The following OSBPL9 variants were observed in gnomAD, a reference collection of about 807,000 sequenced individuals.
The protein encoded by OSBPL9 is oxysterol binding protein like 9.
OSBPL9 carries 40 observed loss-of-function variants against 106.6 expected under a neutral mutation model. The observed-to-expected ratio is 0.38, with a 90% CI of 0.29 to 0.49. OSBPL9 has a LOEUF of 0.49. Ranked by LOEUF, OSBPL9 falls within the 20% of genes least tolerant of loss-of-function variation. The pLI is 0.97. For missense variants in OSBPL9, 609 were observed against 887.2 expected, an observed-to-expected ratio of 0.69 and a Z score of 3.98; for synonymous variants, 269 against 295.4, an observed-to-expected ratio of 0.91 and a Z score of 0.92.
intron 2 of OSBPL9, among the ~76,000 whole-genome samples, chr1:51,603,165 C>G (rs1013636002): frequency 1.3e-5 from 2 of 151,380 alleles, no homozygotes; most frequent in Non-Finnish European, 3.0e-5. Flanking sequence ...AAAACAAAAA[C>G]AAAAAAAACA....
At chr1:51,716,230 G>T (rs974682758) in intron 4 of OSBPL9, among the ~76,000 whole-genome samples, 3 of 152,154 alleles carry the variant, frequency 2.0e-5, no homozygotes, top group Non-Finnish European at 4.4e-5. Flanking sequence ...TAGAAATATG[G>T]AATTAATGTT....
intron 2 of OSBPL9, among the ~76,000 whole-genome samples, chr1:51,669,218 G>T (rs1649262583): frequency 6.6e-6 from 1 of 152,164 alleles, no homozygotes; most frequent in African/African-American, 2.4e-5. Flanking sequence ...CTTAAGGAAG[G>T]CATAGAATGT....
chr1:51,677,299 TAAC>T (rs1651483637), intron 3 of OSBPL9, among the ~76,000 whole-genome samples: 2 of 152,208 alleles, frequency 1.3e-5, no homozygotes, highest in Admixed American at 1.3e-4. Context: ...TTTACTCTCA[TAAC>T]AACCACTTAC....
Position 51,609,345 on chromosome 1 carries a change from T to C in OSBPL9, c.-352-4960T>C, listed in dbSNP as rs1331349637. ...GCCTTCAGCTACCTTCTCTCTCCTT[T>C]TTTTTTTTTTTTTTTAGAGATAGGG... On this transcript the variant is annotated intron_variant, in intron 2 of 25. Transcript: ENST00000371714. Among the ~76,000 whole-genome samples the C allele has an allele frequency of 5.4e-5, 8 of 149,012 alleles. 1 individual carries two copies. The highest frequency in any genetic ancestry group is 7.5e-5 in the Non-Finnish European group (5 of 66,940).
intron 3 of OSBPL9, among the ~76,000 whole-genome samples, chr1:51,692,823 C>T (rs759065341): frequency 4.6e-5 from 7 of 151,956 alleles, no homozygotes; most frequent in South Asian, 2.1e-4. Flanking sequence ...CACTGCACCC[C>T]GCCTGCAGTC....
At chr1:51,527,213 G>A in the OSBPL9 span, among the ~76,000 whole-genome samples, 1 of 152,050 alleles carries the variant, frequency 6.6e-6, no homozygotes, top group Non-Finnish European at 1.5e-5. Flanking sequence ...GTTTCATGCA[G>A]ACTACCATAC....
the OSBPL9 span, among the ~76,000 whole-genome samples, chr1:51,560,233 T>C: frequency 6.6e-6 from 1 of 152,220 alleles, no homozygotes; most frequent in Non-Finnish European, 1.5e-5. Flanking sequence ...GACAGGTGGC[T>C]GTGGCTTCCA....
chr1:51,712,731 A>T (rs904021726), intron 3 of OSBPL9, among the ~76,000 whole-genome samples: 1 of 152,148 alleles, frequency 6.6e-6, no homozygotes, highest in African/African-American at 2.4e-5. Context: ...TTTGGTTCTC[A>T]TTTATGTGTG....
At chr1:51,627,675 A>G (rs1229550116) in intron 1 of OSBPL9, among the ~76,000 whole-genome samples, 2 of 151,604 alleles carry the variant, frequency 1.3e-5, no homozygotes, top group Admixed American at 6.6e-5. Flanking sequence ...TCATTAATGT[A>G]TTAACATGTT....
At chr1:51,759,271 T>C (rs1038683320) in intron 9 of OSBPL9, among the ~76,000 whole-genome samples, 20 of 152,132 alleles carry the variant, frequency 1.3e-4, no homozygotes, top group African/African-American at 4.8e-4. Flanking sequence ...TTAATGAGTT[T>C]TAGATATTCA....
the OSBPL9 span, among the ~76,000 whole-genome samples, chr1:51,533,106 A>T: frequency 6.6e-6 from 1 of 152,202 alleles, no homozygotes; most frequent in South Asian, 2.1e-4. Context: ...TAAAAAAATC[A>T]TAGTATTAAG....
At chr1:51,687,174 A>G (rs186464604) in intron 3 of OSBPL9, among the ~76,000 whole-genome samples, 5 of 152,266 alleles carry the variant, frequency 3.3e-5, no homozygotes, top group African/African-American at 1.2e-4. Flanking sequence ...TGATAACCCA[A>G]AATTGAAAAT....
chr1:51,740,911 T>C (rs1666761661), intron 4 of OSBPL9, among the ~76,000 whole-genome samples: 1 of 152,194 alleles, frequency 6.6e-6, no homozygotes, highest in African/African-American at 2.4e-5. Flanking sequence ...AGGAATTGAC[T>C]CTTGTGTTGT....
chr1:51,773,303 C>T (rs1239330017), intron 14 of OSBPL9, among the ~76,000 whole-genome samples: 1 of 152,174 alleles, frequency 6.6e-6, no homozygotes, highest in Non-Finnish European at 1.5e-5. Flanking sequence ...AAACTTGGAG[C>T]TCTCAACAGA....
At chr1:51,736,941 G>A (rs1489478734) in intron 4 of OSBPL9, among the ~76,000 whole-genome samples, 6 of 152,088 alleles carry the variant, frequency 3.9e-5, no homozygotes, top group African/African-American at 1.2e-4. Flanking sequence ...TAGTCCAACA[G>A]TGCTTTTGTT....
At chr1:51,632,959 C>T (rs930147111) in intron 1 of OSBPL9, among the ~76,000 whole-genome samples, 2 of 151,932 alleles carry the variant, frequency 1.3e-5, no homozygotes, top group Non-Finnish European at 2.9e-5. Context: ...TTTTAAATTG[C>T]CTTTTAAAAA....
At chr1:51,717,103 C>T (rs1448111433) in intron 4 of OSBPL9, among the ~76,000 whole-genome samples, 1 of 151,978 alleles carries the variant, frequency 6.6e-6, no homozygotes, top group Non-Finnish European at 1.5e-5. Context: ...GTAGCTGGGA[C>T]TACAGGCATG....
intron 4 of OSBPL9, chr1:51,724,979 C>T (rs1662854617): frequency 6.6e-6 from 1 of 152,632 alleles, no homozygotes; most frequent in African/African-American, 2.4e-5. Flanking sequence ...TTTAATGTCT[C>T]ACATTAATTT....
At chr1:51,575,952 A>G (rs1645181286), upstream of OSBPL9, among the ~76,000 whole-genome samples, 1 of 152,160 alleles carries the variant, frequency 6.6e-6, no homozygotes, top group Non-Finnish European at 1.5e-5. Context: ...TCTCTACCTA[A>G]TTATCCTGGC....
Sources: allele counts gnomAD v4.1 joint callset (sites outside exome capture counted in the v4.1 genomes callset), GRCh38; gene constraint gnomAD v4.1.1; transcripts MANE v1.5; gene names NCBI Gene and HGNC (gene_info 2026-07-23, HGNC 2026-07-21).